Variants in ANO3 observed in about 807,000 individuals in gnomAD.
The protein encoded by ANO3 is anoctamin 3.
A neutral mutation model predicts 144.8 loss-of-function variants in ANO3; 99 were observed. The ratio of observed to expected loss-of-function variants is 0.68; its 90% CI spans 0.58 to 0.81. The LOEUF is 0.81. Among genes scored for constraint, ANO3 ranks in the 30% least tolerant of loss-of-function variants. The probability of loss-of-function intolerance (pLI) is 0.00; values close to 1 mark genes in which losing one functional copy is unlikely to be tolerated. For synonymous variants in ANO3, 414 were observed against 392.6 expected, an observed-to-expected ratio of 1.05 and a Z score of -0.64; for missense variants, 905 against 1,202.2, an observed-to-expected ratio of 0.75 and a Z score of 3.66.
intron 1 of ANO3, among the ~76,000 whole-genome samples, chr11:26,349,030 G>A (rs370851459): frequency 3.3e-5 from 5 of 152,172 alleles, no homozygotes; most frequent in African/African-American, 4.8e-5. Flanking sequence ...GATTGTTCAC[G>A]TAAGCACAGA....
intron 14 of ANO3, among the ~76,000 whole-genome samples, chr11:26,593,200 T>G (rs116844176): frequency 6.6e-6 from 1 of 152,300 alleles, no homozygotes; most frequent in East Asian, 1.9e-4. Flanking sequence ...TGCGTGGGCA[T>G]AGGGGACTAG....
chr11:26,538,962 T>C (rs1231031782), intron 10 of ANO3, among the ~76,000 whole-genome samples: 2 of 152,150 alleles, frequency 1.3e-5, no homozygotes, highest in Admixed American at 6.6e-5. Context: ...TTCACAATTC[T>C]AGGCTTCCTT....
At chr11:26,648,955 A>C (rs1334001247) in intron 24 of ANO3, among the ~76,000 whole-genome samples, 2 of 152,200 alleles carry the variant, frequency 1.3e-5, no homozygotes, top group Non-Finnish European at 2.9e-5. Flanking sequence ...TCTGGATATA[A>C]ATGTCTCAGT....
chr11:26,589,986 G>C (rs1027834640), intron 14 of ANO3, among the ~76,000 whole-genome samples: 6 of 152,208 alleles, frequency 3.9e-5, no homozygotes, highest in Non-Finnish European at 8.8e-5. Flanking sequence ...TGTAAGAGAA[G>C]CTGATAAGAG....
intron 3 of ANO3, among the ~76,000 whole-genome samples, chr11:26,451,975 AG>A (rs1858961502): frequency 6.6e-6 from 1 of 152,180 alleles, no homozygotes; most frequent in African/African-American, 2.4e-5. Flanking sequence ...CCAGGCAAAC[AG>A]GGTCTGGAGT....
intron 1 of ANO3, among the ~76,000 whole-genome samples, chr11:26,293,530 CATGTATATATATATATAT>C (rs1320510647): frequency 0.03 from 1,877 of 62,426 alleles, 136 homozygotes; most frequent in Non-Finnish European, 0.037. Flanking sequence ...CTATAAATTC[CATGTATATATATATATAT>C]ATATATATAT....
intron 14 of ANO3, chr11:26,565,617 CTGT>C: frequency 6.2e-7 from 1 of 1,612,676 alleles, no homozygotes; most frequent in South Asian, 1.1e-5. Context: ...TATTCCGTGG[CTGT>C]TGTTGGGTAG....
chr11:26,393,634 G>A (rs1370457054), intron 1 of ANO3, among the ~76,000 whole-genome samples: 1 of 152,012 alleles, frequency 6.6e-6, no homozygotes, highest in Non-Finnish European at 1.5e-5. Flanking sequence ...TCATACTAAT[G>A]GTTAACATTT....
At chr11:26,281,648 T>C (rs553704838) in intron 1 of ANO3, among the ~76,000 whole-genome samples, 5 of 152,278 alleles carry the variant, frequency 3.3e-5, no homozygotes, top group African/African-American at 4.8e-5. Flanking sequence ...CTCTAACAGG[T>C]ACAGGTGCAA....
At chr11:26,400,049 C>G (rs1217707232) in intron 1 of ANO3, among the ~76,000 whole-genome samples, 2 of 152,046 alleles carry the variant, frequency 1.3e-5, no homozygotes, top group African/African-American at 4.8e-5. Context: ...AGATGTGACA[C>G]CATTGTGGTA....
chr11:26,266,167 C>T (rs771540903), intron 1 of ANO3, among the ~76,000 whole-genome samples: 3 of 152,010 alleles, frequency 2.0e-5, no homozygotes, highest in Non-Finnish European at 4.4e-5. Flanking sequence ...TTTCATCTAC[C>T]TCTGCAAAGT....
chr11:26,442,011 C>G lies in ANO3; in HGVS notation c.140C>G (p.Ser47Ter), dbSNP rs1858538745. Residue 47 changes from serine to a stop codon, truncating the protein, a stop_gained, in exon 2 of 27, where the codon TCA becomes TGA. Coordinates refer to ENST00000256737, the MANE Select transcript of ANO3 (RefSeq NM_031418.4). LOFTEE classifies it high-confidence loss of function. ...TGCCTCGCCCAGAGCTACGCTTACT[C>G]AAAGAGCTTGAGCCAGTCTACTTCC... ...LPCLAQSYAY[S>*]KSLSQSTSLF... The G allele has an allele frequency of 1.2e-6, 2 of 1,614,040 alleles. No individual in the cohort carries two copies. Among genetic ancestry groups the G allele is most frequent in the African/African-American group, 2.7e-5 (2 of 74,944 alleles).
rs769361362 is a variant in ANO3 at position 26,534,470 on chromosome 11, A to G, written c.884A>G (p.Asn295Ser). The change falls in exon 9 of 27, where the codon AAT becomes AGT. Residue 295 changes from asparagine (N) to serine (S), a missense_variant. Around this residue, in one of 4 missense-constraint regions of ANO3, gnomAD observed 597 missense variants for 865.1 expected, o/e 0.69. Transcript: ENST00000256737. ...RARIHHFIIN[N>S]KDTFFSNATR... is the part of the protein sequence containing the mutation. ...CATCTTAACAGCTTCATAATAAATAATAAAGACACCTTCTTCAGCAATGCT... is the reference window on the plus strand; with the variant it reads ...CATCTTAACAGCTTCATAATAAATAGTAAAGACACCTTCTTCAGCAATGCT... 6.2e-7 allele frequency: 1 copy of G among 1,611,750 alleles called. No homozygotes were observed. The highest frequency in any genetic ancestry group is 8.5e-7 in the Non-Finnish European group (1 of 1,178,242).
chr11:26,299,964 T>C (rs940717944), intron 1 of ANO3, among the ~76,000 whole-genome samples: 2 of 152,038 alleles, frequency 1.3e-5, no homozygotes, highest in African/African-American at 4.8e-5. Context: ...GGAGGAGGTG[T>C]TGGAAGACAG....
At chr11:26,237,806 A>C (rs565379091) in intron 1 of ANO3, among the ~76,000 whole-genome samples, 93 of 152,226 alleles carry the variant, frequency 6.1e-4, no homozygotes, top group Non-Finnish European at 9.3e-4. Flanking sequence ...CCTATTTCTA[A>C]CAAGTATTCT....
intron 6 of ANO3, among the ~76,000 whole-genome samples, chr11:26,525,266 C>T (rs931131775): frequency 5.9e-5 from 9 of 151,368 alleles, no homozygotes; most frequent in Admixed American, 2.0e-4. Context: ...GATGGATGGA[C>T]GGGAAAATGG....
chr11:26,530,033 A>G (rs1453191420), intron 7 of ANO3, among the ~76,000 whole-genome samples: 1 of 152,134 alleles, frequency 6.6e-6, no homozygotes, highest in Non-Finnish European at 1.5e-5. Flanking sequence ...CTCAGTCCCT[A>G]TCCCAGGCCT....
chr11:26,399,206 C>T lies in ANO3; in HGVS notation c.47-42712C>T, dbSNP rs567385670. On this transcript the variant is annotated intron_variant, in intron 1 of 26. Transcript: ENST00000256737. The stretch of plus-strand genomic sequence containing the variant: ...CTTTCCTTCATCTATCATTCTTTTT[C>T]TGTGATTTTTGCAAGGCACCCTTTT... 1.9e-3 allele frequency among the ~76,000 whole-genome samples: 288 copies of T among 151,980 alleles called. 3 individuals are homozygous for T. The highest frequency in any genetic ancestry group is 0.017 in the Middle Eastern group (5 of 294).
chr11:26,555,592 A>C (rs2134235372), intron 13 of ANO3, among the ~76,000 whole-genome samples: 1 of 152,296 alleles, frequency 6.6e-6, no homozygotes, highest in South Asian at 2.1e-4. Context: ...AAGGTGGAAA[A>C]GTTAGCTTGC....
Sources: allele counts gnomAD v4.1 joint callset (sites outside exome capture counted in the v4.1 genomes callset), GRCh38; gene constraint gnomAD v4.1.1; regional missense constraint gnomAD v4.1.1; transcripts MANE v1.5; gene names NCBI Gene and HGNC (gene_info 2026-07-23, HGNC 2026-07-21).